The following SLK variants were observed in gnomAD, a reference collection of about 807,000 sequenced individuals.
SLK encodes the protein STE20 like kinase.
Under a neutral mutation model 147.7 loss-of-function variants are expected in SLK, and 67 were observed. That is an observed-to-expected ratio of 0.45 (90% CI 0.37 to 0.56). SLK has a LOEUF of 0.56. SLK is among the 20% of genes least tolerant of loss of function. The pLI is 0.00. For missense variants in SLK, 1,136 were observed against 1,438.8 expected (o/e 0.79, Z 3.41); for synonymous variants, 441 against 475.0 (o/e 0.93, Z 0.93).
intron 1 of SLK, among the ~76,000 whole-genome samples, chr10:103,979,025 T>C (rs977083121): frequency 6.6e-6 from 1 of 152,204 alleles, no homozygotes; most frequent in Non-Finnish European, 1.5e-5. Context: ...TTAATTTTAA[T>C]ATTTTTTTGA....
rs774592155 is a variant in SLK at position 104,018,167 on chromosome 10, A to G, written c.2885A>G (p.Glu962Gly). 14 of 1,602,690 alleles carry G rather than the reference A, an allele frequency of 8.7e-6. No homozygotes were observed. The highest frequency in any genetic ancestry group is 7.0e-5 in the Admixed American group (4 of 57,296). ...ATTAACTGTTTTTAATAGGAACAAG[A>G]GTTTGTTCAGAAACAACAGCAAGAA... is the stretch of plus-strand genomic sequence containing the variant. ...LAQSQHAQEQ[E>G]FVQKQQQELD... Residue 962 changes from glutamate (E) to glycine (G), a missense_variant, in exon 14 of 19, where the codon GAG (glutamate) becomes GGG (glycine). This residue lies in a region of SLK where 327 missense variants were observed against 457.5 expected (regional missense o/e 0.71). Coordinates refer to ENST00000369755, the MANE Select transcript of SLK (RefSeq NM_014720.4).
chr10:103,994,052 G>A (rs917602583), intron 4 of SLK, among the ~76,000 whole-genome samples: 21 of 152,022 alleles, frequency 1.4e-4, no homozygotes, highest in African/African-American at 4.8e-4. Context: ...GCACCACCAC[G>A]CCTGGCGAAT....
At chr10:103,971,670 G>GT (rs1389563090) in intron 1 of SLK, among the ~76,000 whole-genome samples, 1 of 152,212 alleles carries the variant, frequency 6.6e-6, no homozygotes, top group Non-Finnish European at 1.5e-5. Flanking sequence ...TATTAAACCA[G>GT]TTGAAACTAA....
In SLK at chr10:104,002,546, G is replaced by C. The variant is rs530649795; in HGVS notation, c.1368G>C (p.Met456Ile). 2 of 1,607,864 alleles carry C rather than the reference G, an allele frequency of 1.2e-6. No individual in the cohort carries two copies. Among genetic ancestry groups the C allele is most frequent in the South Asian group, 2.2e-5 (2 of 90,488 alleles). The part of the protein sequence containing the change: ...SVSEGKENNI[M>I]ITLETNIEHN... ...GTGAAGGAAAAGAGAATAATATAAT[G>C]ATAACCTTAGAAACAAATATTGAAC... Residue 456 changes from methionine (M) to isoleucine (I), a missense_variant, in exon 9 of 19, where the codon ATG becomes ATC. Around this residue, in one of 6 missense-constraint regions of SLK, gnomAD observed 516 missense variants for 531.3 expected, o/e 0.97. Coordinates refer to ENST00000369755, the MANE Select transcript of SLK (RefSeq NM_014720.4).
rs150068060 is a variant in SLK, at chr10:104,008,290, C to T, written c.2718C>T (p.Arg906=). 3,538 of 1,613,684 alleles carry T rather than the reference C, an allele frequency of 2.2e-3. 19 individuals carry two copies. Among genetic ancestry groups the T allele is most frequent in the South Asian group, 0.012 (1,081 of 91,056 alleles). The change falls in exon 12 of 19, where the codon CGC becomes CGT. Residue 906 remains arginine, a synonymous_variant. Transcript: ENST00000369755. ...ATCGCTTGCGAGATGAAGCCAAACG[C>T]ATCAAAGGAGAACAAGAGAAAGAGT... is the stretch of plus-strand genomic sequence containing the variant. ...HTNRLRDEAK[R]IKGEQEKELS... is the part of the protein sequence containing the mutation.
rs752729193 is a variant in SLK at position 104,019,873 on chromosome 10, G to A, written c.3272G>A (p.Arg1091Lys). 2.5e-6 allele frequency: 4 copies of A among 1,614,016 alleles called. No individual in the cohort carries two copies. In the East Asian group the frequency reaches 6.7e-5, roughly 27 times the overall value. Residue 1091 changes from arginine to lysine, a missense_variant, in exon 16 of 19, where the codon AGA becomes AAA. Arg to Lys is a conservative substitution (Grantham distance 26). Transcript: ENST00000369755. ...ATGGCCATGTTTAAGAAGAGTTTGA[G>A]AATTAACTCAACAGCCACACCAGAT... ...TRMAMFKKSL[R>K]INSTATPDQD...
rs1258473084 is a variant in SLK at position 104,027,938 on chromosome 10, C to T, written c.*2218C>T. ...TGCTTGAGTTCGCTTTCAAATATGACCATAATCGTGTGGGTGCAAGACTGT... is the reference window on the plus strand; with the variant it reads ...TGCTTGAGTTCGCTTTCAAATATGATCATAATCGTGTGGGTGCAAGACTGT... On this transcript the variant is annotated 3_prime_UTR_variant, in exon 19 of 19. Transcript: ENST00000369755. 2 of 152,074 alleles carry T rather than the reference C, an allele frequency of 1.3e-5. No homozygotes were observed. Among genetic ancestry groups the T allele is most frequent in the African/African-American group, 4.8e-5 (2 of 41,386 alleles). 9.4% of individuals were successfully genotyped at this position (152,074 alleles called of 1,614,324 possible).
intron 13 of SLK, among the ~76,000 whole-genome samples, 191 bp downstream of exon 13, chr10:104,011,099 A>G (rs1020478531): frequency 3.3e-5 from 5 of 152,246 alleles, no homozygotes; most frequent in Non-Finnish European, 5.9e-5. Flanking sequence ...AGTTGCTAAT[A>G]TGAAGTTAAG....
At chr10:104,012,211 T>A (rs1349869675) in intron 13 of SLK, among the ~76,000 whole-genome samples, 1 of 152,234 alleles carries the variant, frequency 6.6e-6, no homozygotes, top group African/African-American at 2.4e-5. Context: ...AAAAAAATTT[T>A]TTTTTAAATT....
At chr10:103,993,768 C>A (rs1442248616) in intron 4 of SLK, among the ~76,000 whole-genome samples, 1 of 152,102 alleles carries the variant, frequency 6.6e-6, no homozygotes, top group Non-Finnish European at 1.5e-5. Flanking sequence ...AGATGAAGTC[C>A]AAATTTGTAT....
At chr10:104,011,718 G>A (rs1434009158) in intron 13 of SLK, among the ~76,000 whole-genome samples, 3 of 151,906 alleles carry the variant, frequency 2.0e-5, no homozygotes, top group East Asian at 1.9e-4. Flanking sequence ...GCACCACCAC[G>A]CCCAGCTAAT....
Position 104,007,516 on chromosome 10 carries a change from G to A in SLK, c.2605-661G>A, listed in dbSNP as rs1364063158. 5.9e-5 allele frequency among the ~76,000 whole-genome samples: 9 copies of A among 152,080 alleles called. No individual in the cohort carries two copies. In the East Asian group the frequency reaches 1.3e-3, roughly 23 times the overall value. The stretch of plus-strand genomic sequence containing the variant: ...CCAGCTACTCAGGCGGCTGAGGCAT[G>A]AGAATCATTTGAATCTGGGAGGCGG... On this transcript the variant is annotated intron_variant, in intron 11 of 18. Transcript: ENST00000369755.
chr10:103,972,283 A>C (rs749192920), intron 1 of SLK, among the ~76,000 whole-genome samples: 17 of 152,190 alleles, frequency 1.1e-4, no homozygotes, highest in Non-Finnish European at 2.4e-4. Flanking sequence ...TTAATCCAGG[A>C]ATGGAATTGC....
At chr10:103,984,562 C>T (rs527622777) in intron 1 of SLK, among the ~76,000 whole-genome samples, 2 of 152,156 alleles carry the variant, frequency 1.3e-5, no homozygotes, top group South Asian at 4.2e-4. Flanking sequence ...TACAGGCGTG[C>T]ACCACCACAC....
chr10:103,998,848 A>G (rs751279606), intron 4 of SLK, 51 bp from the exon 5 acceptor site: 19 of 1,336,010 alleles, frequency 1.4e-5, no homozygotes, highest in African/African-American at 5.7e-5. Context: ...ATTGAATACA[A>G]TGAACAATGC....
At chr10:103,993,246 T>G (rs1844124201) in intron 4 of SLK, 113 bp downstream of exon 4, 1 of 674,048 alleles carries the variant, frequency 1.5e-6, no homozygotes, top group African/African-American at 1.9e-5. Context: ...CATGGAGAAC[T>G]AACTCCATGC....
At chr10:103,998,832 C>A in intron 4 of SLK, 67 bp from the exon 5 acceptor site, 1 of 1,081,240 alleles carries the variant, frequency 9.2e-7, no homozygotes, top group Non-Finnish European at 1.4e-6. Flanking sequence ...AATGCTTTTT[C>A]TCCCCATTGA....
chr10:103,973,861 TA>T (rs1393295728), intron 1 of SLK, among the ~76,000 whole-genome samples: 30 of 151,766 alleles, frequency 2.0e-4, no homozygotes, highest in African/African-American at 7.0e-4. Flanking sequence ...TTAATATATA[TA>T]ATTCTAGTTC....
chr10:103,990,214 G>A (rs1844073829), intron 1 of SLK, among the ~76,000 whole-genome samples: 1 of 152,170 alleles, frequency 6.6e-6, no homozygotes, highest in South Asian at 2.1e-4. Context: ...AGAGCACAGA[G>A]GATTTTTAGG....
Sources: allele counts gnomAD v4.1 joint callset (sites outside exome capture counted in the v4.1 genomes callset), GRCh38; gene constraint gnomAD v4.1.1; regional missense constraint gnomAD v4.1.1; transcripts MANE v1.5; gene names NCBI Gene and HGNC (gene_info 2026-07-23, HGNC 2026-07-21).